The following CDK14 variants were observed in gnomAD, a reference collection of about 807,000 sequenced individuals.
CDK14 encodes cyclin dependent kinase 14.
Under a neutral mutation model 60.7 loss-of-function variants are expected in CDK14, and 34 were observed. The observed-to-expected ratio is 0.56, with a 90% confidence interval of 0.43 to 0.75. CDK14 has a LOEUF of 0.75. Ranked by LOEUF, CDK14 falls within the 30% of genes least tolerant of loss-of-function variation. The probability of loss-of-function intolerance (pLI) is 0.00; values close to 1 mark genes in which losing one functional copy is unlikely to be tolerated. For synonymous variants in CDK14, 197 were observed against 203.7 expected (o/e 0.97, Z 0.28); for missense variants, 482 against 564.1 (o/e 0.85, Z 1.47).
At chr7:90,987,831 A>T (rs1795415136) in intron 10 of CDK14, among the ~76,000 whole-genome samples, 1 of 152,044 alleles carries the variant, frequency 6.6e-6, no homozygotes, top group Non-Finnish European at 1.5e-5. Flanking sequence ...ACTGCCAGAG[A>T]CTCTTTTCTA....
In CDK14 at chr7:90,928,699, G is replaced by T. The variant is rs573866676; in HGVS notation, c.826+10975G>T. On this transcript the variant is annotated intron_variant, in intron 8 of 14. Coordinates refer to ENST00000380050, the MANE Select transcript of CDK14 (RefSeq NM_001287135.2). ...ACCCACTTGAGGAGGCAGTCTGTCC[G>T]TTCTCAGATCTCCAGCTGCATGCTG... Among the ~76,000 whole-genome samples the T allele has an allele frequency of 8.5e-5, 13 of 152,298 alleles. No homozygotes were observed. The East Asian group carries it at 2.5e-3, about 29-fold the overall frequency.
At chr7:90,758,328 A>G (rs1459088232) in intron 4 of CDK14, among the ~76,000 whole-genome samples, 1 of 151,804 alleles carries the variant, frequency 6.6e-6, no homozygotes, top group Non-Finnish European at 1.5e-5. Context: ...AGTTATCATT[A>G]CTTCTGACTG....
intron 4 of CDK14, among the ~76,000 whole-genome samples, chr7:90,765,563 A>G (rs1216838155): frequency 4.6e-5 from 7 of 151,930 alleles, no homozygotes; most frequent in Admixed American, 3.3e-4. Context: ...CAAATCAATG[A>G]ATCCTGAAAG....
intron 7 of CDK14, 59 bp downstream of exon 7, chr7:90,899,412 G>A: frequency 1.5e-6 from 2 of 1,304,162 alleles, no homozygotes; most frequent in Non-Finnish European, 2.1e-6. Flanking sequence ...TTTTTGAACT[G>A]AAGTCTAGCA....
chr7:90,892,625 C>A (rs1388036964), intron 6 of CDK14, among the ~76,000 whole-genome samples: 3 of 152,142 alleles, frequency 2.0e-5, no homozygotes, highest in Non-Finnish European at 4.4e-5. Context: ...CTCATAAACT[C>A]TTTTACAGAA....
chr7:90,651,253 C>T (rs1405746941), intron 2 of CDK14, among the ~76,000 whole-genome samples: 1 of 152,096 alleles, frequency 6.6e-6, no homozygotes, highest in African/African-American at 2.4e-5. Flanking sequence ...ATTTGTCTAG[C>T]CTATAGTTTC....
At chr7:90,709,213 C>A (rs1801972807) in intron 2 of CDK14, 2 of 284,578 alleles carry the variant, frequency 7.0e-6, no homozygotes, top group East Asian at 1.3e-4. Flanking sequence ...TCTCATCATA[C>A]TCCATTTGCA....
intron 12 of CDK14, among the ~76,000 whole-genome samples, chr7:91,100,127 G>A (rs1450574800): frequency 6.6e-6 from 1 of 152,026 alleles, no homozygotes; most frequent in Non-Finnish European, 1.5e-5. Context: ...ACTGAGATAC[G>A]AGTATAATGA....
chr7:90,622,068 T>C (rs573797179), intron 2 of CDK14, among the ~76,000 whole-genome samples: 91 of 152,358 alleles, frequency 6.0e-4, no homozygotes, highest in African/African-American at 1.9e-3. Flanking sequence ...GCTAAAAGTG[T>C]ATTAGGGTAG....
chr7:91,204,798 T>A (rs181136821), intron 14 of CDK14, among the ~76,000 whole-genome samples: 5 of 152,080 alleles, frequency 3.3e-5, no homozygotes, highest in Admixed American at 1.3e-4. Context: ...ATATAAAAAA[T>A]TAGCCAGGCA....
chr7:90,801,839 G>T (rs3808232), intron 5 of CDK14, among the ~76,000 whole-genome samples: 31,207 of 151,998 alleles, frequency 0.21, 3,343 homozygotes, highest in South Asian at 0.24. Flanking sequence ...ATCATCTTTG[G>T]TTATAACTGA....
chr7:90,911,308 G>C (rs574290575), intron 7 of CDK14, among the ~76,000 whole-genome samples: 1 of 152,206 alleles, frequency 6.6e-6, no homozygotes, highest in African/African-American at 2.4e-5. Context: ...ATGTGAAATG[G>C]TTAACAAAGA....
chr7:90,793,610 G>A lies in CDK14; in HGVS notation c.544+2958G>A, dbSNP rs74891008. On this transcript the variant is annotated intron_variant, in intron 5 of 14. Transcript: ENST00000380050. The stretch of plus-strand genomic sequence containing the variant: ...AGATCAGGAGTTCTCAATTGATAGA[G>A]TGGGAGGGATGGGTAATTATTGCTC... Among the ~76,000 whole-genome samples, 6 of 152,304 alleles carry A rather than the reference G, an allele frequency of 3.9e-5. No individual in the cohort carries two copies. The East Asian group carries it at 9.6e-4, about 24-fold the overall frequency.
At chr7:91,156,687 C>T (rs537064171) in intron 14 of CDK14, among the ~76,000 whole-genome samples, 2 of 152,232 alleles carry the variant, frequency 1.3e-5, no homozygotes, top group East Asian at 3.9e-4. Flanking sequence ...TTTTTTAAAT[C>T]TTGTACCTAT....
chr7:91,081,651 A>C (rs1192678328), intron 12 of CDK14, among the ~76,000 whole-genome samples: 2 of 152,178 alleles, frequency 1.3e-5, no homozygotes, highest in Non-Finnish European at 2.9e-5. Flanking sequence ...GTTTATTTGA[A>C]TAGCTATAAC....
chr7:91,171,291 A>G (rs1317111446), intron 14 of CDK14, among the ~76,000 whole-genome samples: 3 of 152,064 alleles, frequency 2.0e-5, no homozygotes, highest in Non-Finnish European at 1.5e-5. Context: ...TGGAGCTTGC[A>G]GTGAGCCGAG....
intron 9 of CDK14, among the ~76,000 whole-genome samples, chr7:90,962,200 T>C (rs1203332074): frequency 9.9e-6 from 1 of 100,598 alleles, no homozygotes; most frequent in Admixed American, 1.0e-4. Context: ...AAAAATCTAG[T>C]GTGGGGCTGG....
At chr7:91,126,097 G>C (rs544815222) in intron 14 of CDK14, among the ~76,000 whole-genome samples, 1 of 152,186 alleles carries the variant, frequency 6.6e-6, no homozygotes, top group East Asian at 1.9e-4. Flanking sequence ...TCCATATTAA[G>C]ATACCTAGAG....
intron 9 of CDK14, among the ~76,000 whole-genome samples, chr7:90,960,527 G>A (rs1794571696): frequency 6.6e-6 from 1 of 152,100 alleles, no homozygotes; most frequent in African/African-American, 2.4e-5. Flanking sequence ...CATTGTAGCA[G>A]CTGGGTGGTT....
Sources: gnomAD v4.1 joint callset for allele counts (sites outside exome capture counted in the v4.1 genomes callset) on GRCh38, gnomAD v4.1.1 for gene constraint, MANE v1.5 for transcripts, NCBI Gene and HGNC (gene_info 2026-07-23, HGNC 2026-07-21) for gene names.